Variants in UNC5D observed in about 807,000 individuals in gnomAD.
UNC5D encodes unc-5 netrin receptor D.
UNC5D carries 39 observed loss-of-function variants against 105.4 expected under a neutral mutation model. That is an observed-to-expected ratio of 0.37 (90% CI 0.29 to 0.48). The LOEUF is 0.48. Ranked by LOEUF, UNC5D falls within the 20% of genes least tolerant of loss-of-function variation. The pLI, the probability that UNC5D is intolerant of heterozygous loss-of-function variation, is 0.98. For missense variants in UNC5D, 991 were observed against 1,202.4 expected (o/e 0.82, Z 2.60); for synonymous variants, 452 against 450.4 (o/e 1.00, Z -0.04).
chr8:35,466,774 C>G lies in UNC5D; in HGVS notation c.104-82518C>G, dbSNP rs552917860. On this transcript the variant is annotated intron_variant, in intron 1 of 16. Coordinates refer to ENST00000404895, the MANE Select transcript of UNC5D (RefSeq NM_080872.4). ...TCATATAAAAAGAGAGGTTGGTATT[C>G]ACATATATTGAAATAAAAACAATCT... is the stretch of plus-strand genomic sequence containing the variant. Among the ~76,000 whole-genome samples the G allele has an allele frequency of 2.0e-5, 3 of 152,188 alleles. No individual in the cohort carries two copies. The East Asian group carries it at 5.8e-4, about 29-fold the overall frequency.
intron 1 of UNC5D, among the ~76,000 whole-genome samples, chr8:35,247,667 AATATATAAATATATATT>A (rs1803227480): frequency 4.3e-5 from 1 of 23,116 alleles, no homozygotes; most frequent in Non-Finnish European, 6.4e-5. Flanking sequence ...AAATATATAT[AATATATAAATATATATT>A]ATATATAAAA....
intron 1 of UNC5D, among the ~76,000 whole-genome samples, chr8:35,394,179 A>T (rs1354317772): frequency 6.6e-6 from 1 of 152,194 alleles, no homozygotes; most frequent in Non-Finnish European, 1.5e-5. Context: ...ATGTACAAAG[A>T]TGTTTGTCAT....
At chr8:35,682,409 G>A (rs1325892277) in intron 4 of UNC5D, among the ~76,000 whole-genome samples, 1 of 152,196 alleles carries the variant, frequency 6.6e-6, no homozygotes, top group East Asian at 1.9e-4. Flanking sequence ...ATGCTCCTGT[G>A]TGACTTCTCT....
chr8:35,574,699 A>T (rs1001416929), intron 3 of UNC5D, among the ~76,000 whole-genome samples: 3 of 152,162 alleles, frequency 2.0e-5, no homozygotes, highest in African/African-American at 7.2e-5. Context: ...TGAATATGTA[A>T]ATAAATACAT....
intron 1 of UNC5D, among the ~76,000 whole-genome samples, chr8:35,350,142 T>A (rs1812111055): frequency 6.6e-6 from 1 of 152,046 alleles, no homozygotes; most frequent in African/African-American, 2.4e-5. Flanking sequence ...TTGAGAATAA[T>A]TGCCTTCAAA....
intron 4 of UNC5D, among the ~76,000 whole-genome samples, chr8:35,670,092 G>A (rs1022633756): frequency 5.3e-5 from 8 of 152,126 alleles, no homozygotes; most frequent in African/African-American, 1.9e-4. Context: ...TAGAGAAGGA[G>A]TGGCCAGAGT....
At chr8:35,316,099 G>A (rs994066867) in intron 1 of UNC5D, among the ~76,000 whole-genome samples, 4 of 152,158 alleles carry the variant, frequency 2.6e-5, no homozygotes, top group East Asian at 1.9e-4. Flanking sequence ...TACATTAATC[G>A]AATAGTATAT....
chr8:35,558,374 TTAAGA>T (rs1022333653), intron 2 of UNC5D, among the ~76,000 whole-genome samples: 2 of 152,120 alleles, frequency 1.3e-5, no homozygotes, highest in African/African-American at 4.8e-5. Context: ...TAACACAATG[TTAAGA>T]TAAAAGACCA....
intron 1 of UNC5D, among the ~76,000 whole-genome samples, chr8:35,269,891 T>C (rs1187007295): frequency 6.6e-6 from 1 of 152,206 alleles, no homozygotes; most frequent in Non-Finnish European, 1.5e-5. Flanking sequence ...GGCATGTCCA[T>C]ATCCATTCTG....
At chr8:35,333,678 C>T (rs986478432) in intron 1 of UNC5D, among the ~76,000 whole-genome samples, 3 of 152,156 alleles carry the variant, frequency 2.0e-5, no homozygotes, top group East Asian at 3.9e-4. Context: ...CGGGGATTCT[C>T]CATGTTGGCC....
intron 1 of UNC5D, among the ~76,000 whole-genome samples, chr8:35,246,491 G>A (rs1803108399): frequency 1.3e-5 from 2 of 152,038 alleles, no homozygotes; most frequent in South Asian, 4.1e-4. Context: ...GGTTTGGCAG[G>A]AGAAGACCTG....
chr8:35,603,004 T>G (rs1156692489), intron 4 of UNC5D, among the ~76,000 whole-genome samples: 1 of 151,820 alleles, frequency 6.6e-6, no homozygotes, highest in Non-Finnish European at 1.5e-5. Context: ...AGCTGCTGGA[T>G]TCATTGATTT....
At chr8:35,678,012 A>G (rs558637128) in intron 4 of UNC5D, among the ~76,000 whole-genome samples, 40 of 152,082 alleles carry the variant, frequency 2.6e-4, no homozygotes, top group African/African-American at 9.4e-4. Flanking sequence ...ACACACACCT[A>G]GGACACCTTA....
At chr8:35,720,280 G>A (rs1167706684) in intron 8 of UNC5D, among the ~76,000 whole-genome samples, 2 of 152,118 alleles carry the variant, frequency 1.3e-5, no homozygotes, top group East Asian at 3.9e-4. Flanking sequence ...GGATGTCTTT[G>A]TCTCTACTTT....
intron 1 of UNC5D, among the ~76,000 whole-genome samples, chr8:35,398,811 T>G (rs771647519): frequency 3.3e-5 from 5 of 152,254 alleles, no homozygotes; most frequent in Non-Finnish European, 7.4e-5. Flanking sequence ...TCAAATTTCA[T>G]TTCATTCTTT....
chr8:35,645,990 T>A (rs538459778), intron 4 of UNC5D, among the ~76,000 whole-genome samples: 1 of 152,210 alleles, frequency 6.6e-6, no homozygotes, highest in East Asian at 1.9e-4. Flanking sequence ...AATATTTCTA[T>A]CTGTTAAGTT....
At chr8:35,747,748 A>G (rs1343442919) in intron 11 of UNC5D, among the ~76,000 whole-genome samples, 2 of 152,200 alleles carry the variant, frequency 1.3e-5, no homozygotes, top group African/African-American at 4.8e-5. Flanking sequence ...GAGGCATTCA[A>G]TGAGGTATTA....
intron 4 of UNC5D, among the ~76,000 whole-genome samples, chr8:35,682,497 T>C (rs72634973): frequency 4.9e-4 from 75 of 152,358 alleles, no homozygotes; most frequent in Middle Eastern, 3.4e-3. Context: ...GTTTTACCTA[T>C]GCTGATAACT....
chr8:35,507,078 C>T (rs1343685424), intron 1 of UNC5D, among the ~76,000 whole-genome samples: 6 of 95,590 alleles, frequency 6.3e-5, no homozygotes, highest in Non-Finnish European at 9.4e-5. Flanking sequence ...TTTTTTGAGA[C>T]GGAGTCTCGC....
Sources: allele counts gnomAD v4.1 joint callset (sites outside exome capture counted in the v4.1 genomes callset), GRCh38; gene constraint gnomAD v4.1.1; transcripts MANE v1.5; gene names NCBI Gene and HGNC (gene_info 2026-07-23, HGNC 2026-07-21).